Variants in COL14A1 observed in about 807,000 individuals in gnomAD.
COL14A1 encodes collagen alpha-1(XIV) chain.
COL14A1 carries 136 observed loss-of-function variants against 230.3 expected under a neutral mutation model. The observed-to-expected ratio is 0.59, with a 90% CI of 0.51 to 0.68. The LOEUF (loss-of-function observed/expected upper bound fraction) is 0.68, where lower values mean the gene tolerates loss of function less well. COL14A1 is among the 30% of genes least tolerant of loss of function. The pLI is 0.00. For synonymous variants in COL14A1, 792 were observed against 784.1 expected (o/e 1.01, Z -0.17); for missense variants, 1,976 against 2,215.8 (o/e 0.89, Z 2.17).
At chr8:120,338,464 G>A (rs1822161118) in intron 42 of COL14A1, among the ~76,000 whole-genome samples, 1 of 152,108 alleles carries the variant, frequency 6.6e-6, no homozygotes, top group Non-Finnish European at 1.5e-5. Flanking sequence ...CAAGTGACAA[G>A]ACCTCTTAGT....
rs190549102 is a variant in COL14A1 at position 120,315,665 on chromosome 8, A to C, written c.4605+79A>C. On this transcript the variant is annotated intron_variant, in intron 39 of 47. Transcript: ENST00000297848. ...GGGAAAAAAAAGCTGTAGCTTCTGAAGTCAGTTGTGATCTTGGTAAGTGTT... is the reference window on the plus strand; with the variant it reads ...GGGAAAAAAAAGCTGTAGCTTCTGACGTCAGTTGTGATCTTGGTAAGTGTT... The C allele has an allele frequency of 2.6e-4, 313 of 1,197,764 alleles. 1 individual carries two copies. In the African/African-American group the frequency reaches 4.0e-3, roughly 15 times the overall value. The allele number at this position is 1,197,764 out of a possible 1,614,324, so 74.2% of individuals were successfully genotyped here. A position where few individuals can be genotyped will look rare whatever the true frequency, so the allele number is the denominator to read the frequency against.
chr8:120,248,208 G>GA (rs894232974), intron 21 of COL14A1, among the ~76,000 whole-genome samples: 57 of 148,150 alleles, frequency 3.8e-4, no homozygotes, highest in African/African-American at 1.2e-3. Flanking sequence ...ATAGGGGGAA[G>GA]AAAAAAAAAA....
chr8:120,218,053 A>G (rs1325200195), intron 14 of COL14A1, among the ~76,000 whole-genome samples: 1 of 141,820 alleles, frequency 7.1e-6, no homozygotes, highest in Non-Finnish European at 1.5e-5. Flanking sequence ...TTATATATCT[A>G]TTTTTATGTA....
intron 1 of COL14A1, among the ~76,000 whole-genome samples, chr8:120,141,053 A>C (rs186493522): frequency 1.4e-3 from 209 of 152,338 alleles, no homozygotes; most frequent in Non-Finnish European, 2.6e-3. Context: ...GCTTTGGGGC[A>C]AAGTTTTAAC....
In COL14A1 at chr8:120,270,120, CT is replaced by C; in HGVS notation, c.3162del (p.Leu1055TyrfsTer8). 6.2e-7 allele frequency: 1 copy of C among 1,611,580 alleles called. No individual in the cohort carries two copies. The highest frequency in any genetic ancestry group is 8.5e-7 in the Non-Finnish European group (1 of 1,178,416). On this transcript the variant is annotated frameshift_variant, in exon 26 of 48. Coordinates refer to ENST00000297848, the MANE Select transcript of COL14A1 (RefSeq NM_021110.4). LOFTEE classifies it high-confidence loss of function. The stretch of plus-strand genomic sequence containing the variant: ...ATGAAAATTTCAATAAGATCATCAG[CT>C]TTCTATACAGCACTGTTGGAGCCCT... ...GDENFNKIISFLYSTVGALNK... is the reference protein window; with the variant it reads ...GDENFNKIISXLYSTVGALNK...
intron 5 of COL14A1, among the ~76,000 whole-genome samples, chr8:120,190,099 C>T (rs913642775): frequency 7.3e-5 from 11 of 151,542 alleles, no homozygotes; most frequent in African/African-American, 2.7e-4. Context: ...ACAGTCCCAC[C>T]AACAGTGTAA....
intron 22 of COL14A1, 101 bp downstream of exon 22, chr8:120,250,867 G>T: frequency 2.2e-6 from 3 of 1,368,958 alleles, no homozygotes; most frequent in Non-Finnish European, 2.0e-6. Flanking sequence ...GAGTGCGCTG[G>T]TGCGATCTGG....
intron 5 of COL14A1, among the ~76,000 whole-genome samples, chr8:120,188,387 A>C (rs566040318): frequency 6.6e-6 from 1 of 152,136 alleles, no homozygotes; most frequent in Non-Finnish European, 1.5e-5. Context: ...CAGACTTAAC[A>C]TTTAATATAA....
chr8:120,143,296 G>T (rs538315424), intron 1 of COL14A1, among the ~76,000 whole-genome samples: 2 of 152,148 alleles, frequency 1.3e-5, no homozygotes, highest in Non-Finnish European at 2.9e-5. Flanking sequence ...ATCCAGGACT[G>T]GGGGAAGTAG....
intron 26 of COL14A1, among the ~76,000 whole-genome samples, chr8:120,273,765 C>T (rs1819749493): frequency 6.7e-6 from 1 of 149,710 alleles, no homozygotes; most frequent in Admixed American, 6.7e-5. Flanking sequence ...AGACCAACAA[C>T]AGGCAGTGAG....
intron 5 of COL14A1, among the ~76,000 whole-genome samples, chr8:120,173,662 CTAT>C (rs1816173407): frequency 2.6e-5 from 4 of 151,064 alleles, no homozygotes; most frequent in Non-Finnish European, 4.4e-5. Flanking sequence ...ATCTATCTAT[CTAT>C]CTATCTATCT....
rs189353364 is a variant in COL14A1 at position 120,208,163 on chromosome 8, C to T, written c.1192-69C>T. On this transcript the variant is annotated intron_variant, in intron 10 of 47. Coordinates refer to ENST00000297848, the MANE Select transcript of COL14A1 (RefSeq NM_021110.4). The stretch of plus-strand genomic sequence containing the variant: ...GAAATATTTTTGCTGGACGTATTTT[C>T]GCTTTTTGATTTCAATTCTGCGTGT... 596 of 1,452,838 alleles carry T rather than the reference C, an allele frequency of 4.1e-4. 2 individuals carry two copies. Among genetic ancestry groups the T allele is most frequent in the South Asian group, 8.2e-4 (56 of 68,308 alleles). 90.0% of individuals were successfully genotyped at this position (1,452,838 alleles called of 1,614,324 possible). A position where few individuals can be genotyped will look rare whatever the true frequency, so the allele number is the denominator to read the frequency against.
At chr8:120,302,002 T>C (rs1311821419) in intron 36 of COL14A1, among the ~76,000 whole-genome samples, 1 of 152,208 alleles carries the variant, frequency 6.6e-6, no homozygotes, top group Non-Finnish European at 1.5e-5. Flanking sequence ...TTGTATGTCT[T>C]CTTTTGAAAA....
intron 22 of COL14A1, 53 bp from the exon 23 acceptor site, chr8:120,255,187 A>G: frequency 7.2e-7 from 1 of 1,384,144 alleles, no homozygotes; most frequent in Non-Finnish European, 1.0e-6. Flanking sequence ...AGATTCAGGG[A>G]TGCTTGTGTG....
chr8:120,136,727 G>T (rs901629964), intron 1 of COL14A1, among the ~76,000 whole-genome samples: 2 of 152,002 alleles, frequency 1.3e-5, no homozygotes, highest in Non-Finnish European at 2.9e-5. Flanking sequence ...ACTTTGGGCA[G>T]CTGAGGTGGG....
intron 22 of COL14A1, among the ~76,000 whole-genome samples, chr8:120,251,242 C>T (rs552468468): frequency 1.3e-5 from 2 of 152,284 alleles, no homozygotes; most frequent in East Asian, 3.9e-4. Context: ...GGCGGGATGT[C>T]AGTACCTGGC....
intron 14 of COL14A1, among the ~76,000 whole-genome samples, chr8:120,218,365 A>G (rs1179721119): frequency 6.7e-6 from 1 of 150,028 alleles, no homozygotes; most frequent in African/African-American, 2.4e-5. Flanking sequence ...GCTGGAGTGC[A>G]GTGGCATGAT....
intron 41 of COL14A1, 131 bp downstream of exon 41, chr8:120,332,325 G>A: frequency 1.2e-6 from 1 of 816,340 alleles, no homozygotes; most frequent in Middle Eastern, 2.3e-4. Flanking sequence ...TCCCTTGATA[G>A]AGAACTCTCC....
intron 40 of COL14A1, among the ~76,000 whole-genome samples, chr8:120,324,102 A>G (rs1031443474): frequency 6.6e-6 from 1 of 152,126 alleles, no homozygotes; most frequent in Admixed American, 6.6e-5. Flanking sequence ...ATGAGGATCA[A>G]AAAACTACCT....
Sources: gnomAD v4.1 joint callset for allele counts (sites outside exome capture counted in the v4.1 genomes callset) on GRCh38, gnomAD v4.1.1 for gene constraint, MANE v1.5 for transcripts, NCBI Gene and HGNC (gene_info 2026-07-23, HGNC 2026-07-21) for gene names.